The following GABRG3 variants were observed in gnomAD, a reference collection of about 807,000 sequenced individuals.
GABRG3 encodes gamma-aminobutyric acid type A receptor subunit gamma3, also known as gamma-aminobutyric acid receptor subunit gamma-3.
GABRG3 carries 25 observed loss-of-function variants against 48.8 expected under a neutral mutation model. The observed-to-expected ratio is 0.51, with a 90% CI of 0.37 to 0.72. The LOEUF (loss-of-function observed/expected upper bound fraction) is 0.72. GABRG3 is among the 30% of genes least tolerant of loss of function. The pLI is 0.00. For synonymous variants in GABRG3, 227 were observed against 217.6 expected (o/e 1.04, Z -0.38); for missense variants, 394 against 577.9 (o/e 0.68, Z 3.26).
At chr15:27,043,732 A>G (rs552423030) in intron 3 of GABRG3, among the ~76,000 whole-genome samples, 1 of 152,332 alleles carries the variant, frequency 6.6e-6, no homozygotes, top group East Asian at 1.9e-4. Context: ...TGTGTAACGA[A>G]GTACCCCAAT....
At chr15:27,253,634 C>T (rs967197882) in intron 3 of GABRG3, among the ~76,000 whole-genome samples, 4 of 152,224 alleles carry the variant, frequency 2.6e-5, no homozygotes, top group Admixed American at 1.3e-4. Context: ...AGGGGCAGAG[C>T]GGCTGCATCA....
At chr15:26,989,109 T>C (rs973272037) in intron 2 of GABRG3, among the ~76,000 whole-genome samples, 9 of 152,182 alleles carry the variant, frequency 5.9e-5, no homozygotes, top group African/African-American at 2.2e-4. Flanking sequence ...TGGTAACCAA[T>C]AGTCTAATTT....
At chr15:27,230,605 T>G (rs1320480007) in intron 3 of GABRG3, among the ~76,000 whole-genome samples, 2 of 152,232 alleles carry the variant, frequency 1.3e-5, no homozygotes, top group Non-Finnish European at 2.9e-5. Context: ...GCATATGCTT[T>G]ATTTTAAACC....
intron 5 of GABRG3, among the ~76,000 whole-genome samples, chr15:27,353,139 C>G (rs939156785): frequency 6.6e-6 from 1 of 152,110 alleles, no homozygotes. Context: ...CCCTCTTGCC[C>G]CTACCTGGGC....
intron 3 of GABRG3, among the ~76,000 whole-genome samples, chr15:27,184,715 T>G (rs1445152694): frequency 1.3e-5 from 2 of 152,234 alleles, no homozygotes; most frequent in Non-Finnish European, 2.9e-5. Flanking sequence ...CCAATTTATT[T>G]AATGGTTATG....
intron 3 of GABRG3, among the ~76,000 whole-genome samples, chr15:27,242,198 T>C (rs1423528821): frequency 1.3e-5 from 2 of 152,188 alleles, no homozygotes; most frequent in African/African-American, 4.8e-5. Context: ...GCAATCTTTT[T>C]AGCAACAGCT....
chr15:27,028,494 G>A (rs752864796), intron 3 of GABRG3, among the ~76,000 whole-genome samples: 26 of 152,228 alleles, frequency 1.7e-4, no homozygotes, highest in Middle Eastern at 6.8e-3. Context: ...GATCTGAGCA[G>A]GTCATATTTC....
At position 27,538,066 on chromosome 15, in the gene GABRG3, C is replaced by T. The variant is rs1891589403; in HGVS notation, c.*5185C>T. The T allele has an allele frequency of 6.6e-6, 1 of 152,132 alleles. No individual in the cohort carries two copies. The highest frequency in any genetic ancestry group is 2.4e-5 in the African/African-American group (1 of 41,426). The allele number at this position is 152,132 out of a possible 1,614,324, so 9.4% of individuals were successfully genotyped here. A position where few individuals can be genotyped will look rare whatever the true frequency, so the allele number is the denominator to read the frequency against. ...ATGTTGGCCAGGCTGGTCTCGAACT[C>T]CTGACCTTCAGGTGATCCACCCGCC... On this transcript the variant is annotated 3_prime_UTR_variant, in exon 10 of 10. Coordinates refer to ENST00000615808, the MANE Select transcript of GABRG3 (RefSeq NM_033223.5).
At chr15:27,216,733 C>CTTTT (rs200517386) in intron 3 of GABRG3, among the ~76,000 whole-genome samples, 2 of 103,896 alleles carry the variant, frequency 1.9e-5, no homozygotes, top group Non-Finnish European at 4.0e-5. Context: ...CAATTCATTT[C>CTTTT]TTTTTTTTTT....
chr15:27,191,717 C>G lies in GABRG3; in HGVS notation c.271-135092C>G, dbSNP rs140372045. Among the ~76,000 whole-genome samples the G allele has an allele frequency of 1.2e-3, 175 of 152,006 alleles. 2 individuals carry two copies. Among genetic ancestry groups the G allele is most frequent in the African/African-American group, 3.7e-3 (155 of 41,438 alleles). Reference sequence around the variant, plus strand: ...GTGTCTTTTAATTGGAGCATTTAGTCCATTTACGTTTAAAGTTAATATTGT... The same window carrying G: ...GTGTCTTTTAATTGGAGCATTTAGTGCATTTACGTTTAAAGTTAATATTGT... On this transcript the variant is annotated intron_variant, in intron 3 of 9. Coordinates refer to ENST00000615808, the MANE Select transcript of GABRG3 (RefSeq NM_033223.5).
At chr15:27,206,439 T>C (rs1668155489) in intron 3 of GABRG3, among the ~76,000 whole-genome samples, 1 of 152,214 alleles carries the variant, frequency 6.6e-6, no homozygotes, top group South Asian at 2.1e-4. Context: ...ATTTCGTTTT[T>C]TGGAATTTGT....
At chr15:27,044,123 G>C (rs1304664019) in intron 3 of GABRG3, among the ~76,000 whole-genome samples, 1 of 152,188 alleles carries the variant, frequency 6.6e-6, no homozygotes, top group Non-Finnish European at 1.5e-5. Context: ...CCTCGGAAGT[G>C]ATGTCATGTC....
intron 7 of GABRG3, among the ~76,000 whole-genome samples, chr15:27,526,329 A>G (rs1276135797): frequency 7.2e-5 from 11 of 152,208 alleles, no homozygotes; most frequent in Admixed American, 7.2e-4. Flanking sequence ...AAAGGTGGAA[A>G]GTAATGTGTC....
chr15:27,535,554 T>A lies in GABRG3; in HGVS notation c.*2673T>A, dbSNP rs951516329. ...GAACCTTCATCTCAAGAAAGTCCAA[T>A]GGATTTCACTAACTGAGCATCATAG... On this transcript the variant is annotated 3_prime_UTR_variant, in exon 10 of 10. Coordinates refer to ENST00000615808, the MANE Select transcript of GABRG3 (RefSeq NM_033223.5). 6.6e-6 allele frequency: 1 copy of A among 152,210 alleles called. No individual in the cohort carries two copies. Among genetic ancestry groups the A allele is most frequent in the Non-Finnish European group, 1.5e-5 (1 of 68,054 alleles). 9.4% of individuals were successfully genotyped at this position (152,210 alleles called of 1,614,324 possible). A position where few individuals can be genotyped will look rare whatever the true frequency, so the allele number is the denominator to read the frequency against.
intron 9 of GABRG3, among the ~76,000 whole-genome samples, chr15:27,532,363 T>C (rs1891442219): frequency 6.6e-6 from 1 of 150,940 alleles, no homozygotes; most frequent in South Asian, 2.1e-4. Flanking sequence ...AGCTTCCTCC[T>C]TTCTTCCTTC....
chr15:27,306,270 A>T (rs924117282), intron 3 of GABRG3, among the ~76,000 whole-genome samples: 1 of 139,356 alleles, frequency 7.2e-6, no homozygotes, highest in Non-Finnish European at 1.5e-5. Context: ...ATATGTAAAC[A>T]TATATAACAT....
At chr15:27,109,775 G>A (rs573934004) in intron 3 of GABRG3, among the ~76,000 whole-genome samples, 291 of 152,280 alleles carry the variant, frequency 1.9e-3, no homozygotes, top group Non-Finnish European at 3.1e-3. Context: ...CCAGCTACTC[G>A]GGAGGCTGAG....
chr15:27,440,166 C>G (rs1566841801), intron 5 of GABRG3, among the ~76,000 whole-genome samples: 1 of 152,188 alleles, frequency 6.6e-6, no homozygotes, highest in Non-Finnish European at 1.5e-5. Context: ...CTCAAAAATT[C>G]CTCTGGGCTT....
chr15:27,421,943 A>G (rs562216417), intron 5 of GABRG3, among the ~76,000 whole-genome samples: 2 of 144,666 alleles, frequency 1.4e-5, no homozygotes, highest in Non-Finnish European at 1.5e-5. Context: ...ACCAATACTG[A>G]GTGTTCTAAG....
Sources: gnomAD v4.1 joint callset for allele counts (sites outside exome capture counted in the v4.1 genomes callset) on GRCh38, gnomAD v4.1.1 for gene constraint, MANE v1.5 for transcripts, NCBI Gene and HGNC (gene_info 2026-07-23, HGNC 2026-07-21) for gene names.